The following LARP4B variants were observed in gnomAD, a reference collection of about 807,000 sequenced individuals.
LARP4B encodes the protein la-related protein 4B.
Under a neutral mutation model 89.8 loss-of-function variants are expected in LARP4B, and 12 were observed. The ratio of observed to expected loss-of-function variants is 0.13; its 90% confidence interval spans 0.09 to 0.22. The LOEUF (loss-of-function observed/expected upper bound fraction) is 0.22. Among genes scored for constraint, LARP4B ranks in the 10% least tolerant of loss-of-function variants. LARP4B has a pLI of 1.00. For synonymous variants in LARP4B, 367 were observed against 363.3 expected (o/e 1.01, Z -0.12); for missense variants, 757 against 947.7 (o/e 0.80, Z 2.64).
downstream of LARP4B, chr10:808,744 T>TGTGC (rs1040814395): frequency 2.3e-4 from 30 of 131,958 alleles, no homozygotes; most frequent in African/African-American, 7.2e-4. Flanking sequence ...TGTGTGTGCG[T>TGTGC]GTGCACGCAC....
intron 6 of LARP4B, among the ~76,000 whole-genome samples, chr10:843,940 G>C (rs1336229480): frequency 6.6e-6 from 1 of 152,222 alleles, no homozygotes; most frequent in East Asian, 1.9e-4. Flanking sequence ...TTTGGGCCAT[G>C]ATGAGCTATT....
chr10:845,661 A>T (rs1190326632), intron 5 of LARP4B, among the ~76,000 whole-genome samples: 4 of 152,218 alleles, frequency 2.6e-5, no homozygotes, highest in Non-Finnish European at 5.9e-5. Context: ...ATTTCTAAGA[A>T]GATGCCAGAG....
At chr10:817,641 T>C (rs954462573) in intron 15 of LARP4B, 84 bp downstream of exon 15, 1 of 1,305,670 alleles carries the variant, frequency 7.7e-7, no homozygotes, top group East Asian at 2.3e-5. Context: ...AACAAACATG[T>C]ATAAAGAGCT....
chr10:893,910 T>G (rs1219865553), intron 1 of LARP4B, among the ~76,000 whole-genome samples: 2 of 152,110 alleles, frequency 1.3e-5, no homozygotes, highest in Non-Finnish European at 2.9e-5. Context: ...CACTTATTAT[T>G]CCCAAGATCA....
intron 1 of LARP4B, among the ~76,000 whole-genome samples, chr10:898,459 C>T (rs557388771): frequency 6.6e-6 from 1 of 152,294 alleles, no homozygotes; most frequent in East Asian, 1.9e-4. Context: ...CAACATTATT[C>T]GTAATAGCCA....
At chr10:855,303 C>T (rs1031144617) in intron 5 of LARP4B, among the ~76,000 whole-genome samples, 28 of 152,314 alleles carry the variant, frequency 1.8e-4, no homozygotes, top group African/African-American at 6.3e-4. Context: ...ACCGAGTTTT[C>T]AGCCTATCTC....
In LARP4B at chr10:919,184, C is replaced by G. The variant is rs565134213; in HGVS notation, c.-40+12244G>C. ...AATTAAGTTATTAAACTATTAAGTA[C>G]AGGGCCTGTATCTCTGATGCTGAAC... On this transcript the variant is annotated intron_variant, in intron 1 of 17. Transcript: ENST00000316157. Among the ~76,000 whole-genome samples, 16 of 152,298 alleles carry G rather than the reference C, an allele frequency of 1.1e-4. No individual in the cohort carries two copies. The South Asian group carries it at 1.7e-3, about 16-fold the overall frequency.
intron 1 of LARP4B, among the ~76,000 whole-genome samples, chr10:915,832 CAAAAAAAAAA>C (rs71297915): frequency 1.3e-5 from 1 of 75,158 alleles, no homozygotes; most frequent in African/African-American, 5.4e-5. Context: ...GACTCCGCCT[CAAAAAAAAAA>C]AAAAAAAAGG....
chr10:967,639 G>C, the LARP4B span, among the ~76,000 whole-genome samples: 1 of 152,218 alleles, frequency 6.6e-6, no homozygotes, highest in Non-Finnish European at 1.5e-5. Flanking sequence ...GCTGCGGAGA[G>C]AATCGGAAGC....
chr10:946,384 A>T, the LARP4B span, among the ~76,000 whole-genome samples: 1 of 152,236 alleles, frequency 6.6e-6, no homozygotes, highest in Non-Finnish European at 1.5e-5. Flanking sequence ...AAGCGAAAAT[A>T]CAAAGATTCT....
In LARP4B at chr10:813,036, G is replaced by A. The variant is rs1831831502; in HGVS notation, c.2107C>T (p.Pro703Ser). The change falls in exon 18 of 18, where the codon CCT (proline) becomes TCT (serine). Residue 703 changes from proline to serine, a missense_variant. Pro to Ser is a moderately conservative substitution (Grantham distance 74). Coordinates refer to ENST00000316157, the MANE Select transcript of LARP4B (RefSeq NM_015155.3). The part of the protein sequence containing the change: ...YREPPALKST[P>S]GAPRDQRRPA... Reference sequence around the variant, plus strand: ...CGCCTCTGGTCTCTGGGGGCTCCAGGTGTGGACTTGAGGGCTGGGGGCTCC... The same window carrying A: ...CGCCTCTGGTCTCTGGGGGCTCCAGATGTGGACTTGAGGGCTGGGGGCTCC... 6.2e-7 allele frequency: 1 copy of A among 1,613,314 alleles called. No individual in the cohort carries two copies. Among genetic ancestry groups the A allele is most frequent in the African/African-American group, 1.3e-5 (1 of 74,838 alleles).
chr10:911,607 A>C (rs1564442998), intron 1 of LARP4B, among the ~76,000 whole-genome samples: 1 of 152,210 alleles, frequency 6.6e-6, no homozygotes, highest in Non-Finnish European at 1.5e-5. Flanking sequence ...TATTTGATAC[A>C]TGAAGAAATC....
the LARP4B span, among the ~76,000 whole-genome samples, chr10:983,143 G>A: frequency 1.3e-5 from 2 of 152,214 alleles, no homozygotes; most frequent in Non-Finnish European, 2.9e-5. Flanking sequence ...ATTATCAGTT[G>A]AGCACAGATT....
At chr10:973,011 A>C in the LARP4B span, 12 of 386,858 alleles carry the variant, frequency 3.1e-5, no homozygotes, top group African/African-American at 2.3e-4. Context: ...TGGGACAAAG[A>C]GGCAAGGAGG....
At chr10:894,313 G>A (rs1836126167) in intron 1 of LARP4B, among the ~76,000 whole-genome samples, 1 of 152,030 alleles carries the variant, frequency 6.6e-6, no homozygotes, top group East Asian at 1.9e-4. Flanking sequence ...GGAATTCTAG[G>A]GAAATACATG....
At chr10:907,989 T>C (rs556169129) in intron 1 of LARP4B, among the ~76,000 whole-genome samples, 2 of 152,276 alleles carry the variant, frequency 1.3e-5, no homozygotes, top group African/African-American at 2.4e-5. Context: ...GTGCATCACC[T>C]GAGGTTAGGA....
chr10:893,071 C>CT (rs58203940), intron 1 of LARP4B, among the ~76,000 whole-genome samples: 3 of 149,608 alleles, frequency 2.0e-5, no homozygotes, highest in East Asian at 2.0e-4. Context: ...ACACCATACC[C>CT]TTTTTTTTCT....
chr10:829,816 T>C, intron 9 of LARP4B, 82 bp from the exon 10 acceptor site: 1 of 883,478 alleles, frequency 1.1e-6, no homozygotes, highest in Non-Finnish European at 1.9e-6. Context: ...ATAGCTCAAA[T>C]AGGGAAATAT....
chr10:814,425 G>C lies in LARP4B; in HGVS notation c.1929+317C>G. The stretch of plus-strand genomic sequence containing the variant: ...CGCACGCACGCAAACATACACACAC[G>C]CGCGAAATGCTGAAATGATCCTAAA... On this transcript the variant is annotated intron_variant, in intron 17 of 17. Transcript: ENST00000316157. This position sits in a 1 kb window ranked among gnomAD's most constrained non-coding sequence, Gnocchi z 4.4. 2.4e-6 allele frequency: 1 copy of C among 409,794 alleles called. No individual in the cohort carries two copies. Among genetic ancestry groups the C allele is most frequent in the South Asian group, 2.1e-5 (1 of 47,056 alleles). 25.4% of individuals were successfully genotyped at this position (409,794 alleles called of 1,614,324 possible). A position where few individuals can be genotyped will look rare whatever the true frequency, so the allele number is the denominator to read the frequency against.
Sources: gnomAD v4.1 joint callset for allele counts (sites outside exome capture counted in the v4.1 genomes callset) on GRCh38, gnomAD v4.1.1 for gene constraint, Gnocchi (gnomAD v3.1) non-coding constraint, MANE v1.5 for transcripts, NCBI Gene and HGNC (gene_info 2026-07-23, HGNC 2026-07-21) for gene names.